The following PPA2 variants were observed in gnomAD, a reference collection of about 807,000 sequenced individuals.
The protein encoded by PPA2 is inorganic pyrophosphatase 2, mitochondrial.
PPA2 carries 48 observed loss-of-function variants against 49.5 expected under a neutral mutation model. The observed-to-expected ratio is 0.97, with a 90% CI of 0.77 to 1.23. The LOEUF (loss-of-function observed/expected upper bound fraction) is 1.23. Ranked by LOEUF, PPA2 falls within the 50% of genes most tolerant of loss-of-function variation. The pLI, the probability that PPA2 is intolerant of heterozygous loss-of-function variation, is 0.00. For synonymous variants in PPA2, 131 were observed against 139.9 expected, an observed-to-expected ratio of 0.94 and a Z score of 0.45; for missense variants, 429 against 410.1, an observed-to-expected ratio of 1.05 and a Z score of -0.40.
intron 7 of PPA2, 128 bp downstream of exon 7, chr4:105,424,068 T>C (rs923774583): frequency 2.1e-6 from 2 of 932,060 alleles, no homozygotes; most frequent in African/African-American, 3.5e-5. Context: ...ATAATTTGTC[T>C]ATCTACATCT....
intron 6 of PPA2, among the ~76,000 whole-genome samples, chr4:105,434,716 T>G (rs1723966616): frequency 6.6e-6 from 1 of 152,190 alleles, no homozygotes; most frequent in African/African-American, 2.4e-5. Context: ...TAAGAACAGA[T>G]AAGACATGTA....
At chr4:105,440,326 A>G (rs1427537533) in intron 5 of PPA2, among the ~76,000 whole-genome samples, 4 of 69,732 alleles carry the variant, frequency 5.7e-5, no homozygotes, top group African/African-American at 1.2e-4. Context: ...CAGTGGCACG[A>G]TCTTGGCTCA....
In PPA2 at chr4:105,369,444, T is replaced by G; in HGVS notation, c.*281A>C. On this transcript the variant is annotated 3_prime_UTR_variant, in exon 12 of 12. Transcript: ENST00000341695. ...TTCAACATACTGGCCAGGCTGGTCT[T>G]GAACTCCTGACCTTGTGATCTGCCC... 2.9e-6 allele frequency: 1 copy of G among 346,750 alleles called. No individual in the cohort carries two copies. The allele number at this position is 346,750 out of a possible 1,614,324, so 21.5% of individuals were successfully genotyped here.
At chr4:105,386,533 A>C (rs1733689801) in intron 10 of PPA2, 34 bp downstream of exon 10, 2 of 1,570,352 alleles carry the variant, frequency 1.3e-6, no homozygotes, top group Non-Finnish European at 1.8e-6. Context: ...GACATTTATA[A>C]GATTAAAGGA....
intron 1 of PPA2, among the ~76,000 whole-genome samples, chr4:105,462,604 T>C (rs1484988009): frequency 6.6e-6 from 1 of 152,236 alleles, no homozygotes; most frequent in Non-Finnish European, 1.5e-5. Flanking sequence ...TAGTTCAATC[T>C]ATTCTACATA....
At chr4:105,383,901 A>C (rs1365795185) in intron 10 of PPA2, among the ~76,000 whole-genome samples, 1 of 5,328 alleles carries the variant, frequency 1.9e-4, no homozygotes, top group Non-Finnish European at 3.9e-4. Flanking sequence ...CAATTAAAGG[A>C]CAAAAAAAAA....
chr4:105,464,077 G>A (rs1429913598), intron 1 of PPA2, among the ~76,000 whole-genome samples: 1 of 152,154 alleles, frequency 6.6e-6, no homozygotes, highest in Non-Finnish European at 1.5e-5. Flanking sequence ...CATGCACCCA[G>A]AAAAGCCACA....
chr4:105,396,636 A>G (rs1734160107), intron 8 of PPA2, among the ~76,000 whole-genome samples: 1 of 148,952 alleles, frequency 6.7e-6, no homozygotes, highest in Non-Finnish European at 1.5e-5. Context: ...GTAAAGTTTT[A>G]CTGAACAGTC....
chr4:105,448,227 T>C (rs1722498470), intron 4 of PPA2: 2 of 195,488 alleles, frequency 1.0e-5, no homozygotes, highest in African/African-American at 2.4e-5. Context: ...ACATTATACA[T>C]GAAACAACAC....
chr4:105,454,352 G>A (rs1026650734), intron 2 of PPA2, among the ~76,000 whole-genome samples: 9 of 150,776 alleles, frequency 6.0e-5, no homozygotes, highest in Non-Finnish European at 8.9e-5. Flanking sequence ...TTTTGAGACA[G>A]AGTCTCGCTC....
intron 10 of PPA2, among the ~76,000 whole-genome samples, chr4:105,377,511 C>G (rs1386588706): frequency 6.6e-6 from 1 of 151,934 alleles, no homozygotes; most frequent in African/African-American, 2.4e-5. Context: ...GATAATCTGA[C>G]TTCAGAAAAA....
At chr4:105,453,682 G>T (rs1357832347) in intron 2 of PPA2, 40 bp from the exon 3 acceptor site, 8 of 1,513,406 alleles carry the variant, frequency 5.3e-6, no homozygotes, top group Non-Finnish European at 7.3e-6. Context: ...AATATTTCAT[G>T]AAAGTATACA....
chr4:105,448,446 C>T (rs948089438), intron 4 of PPA2, among the ~76,000 whole-genome samples: 14 of 151,544 alleles, frequency 9.2e-5, no homozygotes, highest in South Asian at 8.3e-4. Flanking sequence ...AACAAAGTAA[C>T]GTAAATTAAA....
At chr4:105,431,873 T>A (rs1490693152) in intron 6 of PPA2, among the ~76,000 whole-genome samples, 1 of 152,164 alleles carries the variant, frequency 6.6e-6, no homozygotes, top group Non-Finnish European at 1.5e-5. Flanking sequence ...ATATCCAGAA[T>A]AGGTAAACCT....
At chr4:105,376,533 G>A (rs980710180) in intron 10 of PPA2, among the ~76,000 whole-genome samples, 5 of 152,076 alleles carry the variant, frequency 3.3e-5, no homozygotes, top group Admixed American at 2.6e-4. Context: ...GAAATCTGTC[G>A]ATGAATAGGC....
chr4:105,473,422 C>T (rs572476150), intron 1 of PPA2: 1 of 376,258 alleles, frequency 2.7e-6, no homozygotes, highest in African/African-American at 2.2e-5. Flanking sequence ...CCGCAAAGTT[C>T]CGCCTGCCTC....
chr4:105,394,605 T>C (rs1175041083), intron 9 of PPA2, among the ~76,000 whole-genome samples: 1 of 152,174 alleles, frequency 6.6e-6, no homozygotes, highest in East Asian at 1.9e-4. Context: ...AAATGTTAAC[T>C]CTTACTGTTA....
intron 5 of PPA2, among the ~76,000 whole-genome samples, chr4:105,445,919 GT>G (rs1722361422): frequency 6.8e-6 from 1 of 146,398 alleles, no homozygotes. Flanking sequence ...ACTCATAACA[GT>G]AAATAAGTTG....
intron 7 of PPA2, among the ~76,000 whole-genome samples, chr4:105,411,995 T>C (rs903840619): frequency 6.6e-6 from 1 of 152,130 alleles, no homozygotes; most frequent in Non-Finnish European, 1.5e-5. Flanking sequence ...GAATCAGTAT[T>C]GTGAAAATGG....
Sources: allele counts gnomAD v4.1 joint callset (sites outside exome capture counted in the v4.1 genomes callset), GRCh38; gene constraint gnomAD v4.1.1; transcripts MANE v1.5; gene names NCBI Gene and HGNC (gene_info 2026-07-23, HGNC 2026-07-21).